The following AGBL1 variants were observed in gnomAD, a reference collection of about 807,000 sequenced individuals.
AGBL1 encodes AGBL carboxypeptidase 1.
Under a neutral mutation model 118.9 loss-of-function variants are expected in AGBL1, and 130 were observed. The ratio of observed to expected loss-of-function variants is 1.09; its 90% CI spans 0.95 to 1.26. The LOEUF (loss-of-function observed/expected upper bound fraction) is 1.26, where lower values mean the gene tolerates loss of function less well. Among genes scored for constraint, AGBL1 ranks in the 50% most tolerant of loss-of-function variants. AGBL1 has a pLI of 0.00. For missense variants in AGBL1, 1,584 were observed against 1,298.1 expected (o/e 1.22, Z -3.38); for synonymous variants, 555 against 478.9 (o/e 1.16, Z -2.08).
At chr15:86,303,553 A>T (rs2079789006) in intron 17 of AGBL1, among the ~76,000 whole-genome samples, 1 of 152,184 alleles carries the variant, frequency 6.6e-6, no homozygotes, top group East Asian at 1.9e-4. Flanking sequence ...GGAAATATAC[A>T]TTTTCAGAGG....
At chr15:86,115,249 G>A (rs903741940) in intron 1 of AGBL1, among the ~76,000 whole-genome samples, 2 of 152,136 alleles carry the variant, frequency 1.3e-5, no homozygotes, top group Non-Finnish European at 2.9e-5. Flanking sequence ...AGTCACAGTG[G>A]TGGATTGTGA....
At chr15:86,843,698 G>T (rs565554181) in intron 22 of AGBL1, among the ~76,000 whole-genome samples, 1 of 152,278 alleles carries the variant, frequency 6.6e-6, no homozygotes, top group African/African-American at 2.4e-5. Context: ...TGACCTTCAA[G>T]AATCATATAC....
chr15:86,701,456 G>T (rs550376209), intron 22 of AGBL1, among the ~76,000 whole-genome samples: 1 of 152,200 alleles, frequency 6.6e-6, no homozygotes, highest in South Asian at 2.1e-4. Flanking sequence ...GAATTGTGCT[G>T]AGTGTGCACA....
intron 23 of AGBL1, among the ~76,000 whole-genome samples, chr15:86,953,834 G>C (rs2080903828): frequency 1.3e-5 from 2 of 151,912 alleles, no homozygotes; most frequent in Non-Finnish European, 2.9e-5. Flanking sequence ...GAGTCTTTAG[G>C]GTTTTCTGGG....
At chr15:86,681,063 G>A (rs1368661094) in intron 22 of AGBL1, among the ~76,000 whole-genome samples, 1 of 151,888 alleles carries the variant, frequency 6.6e-6, no homozygotes, top group Non-Finnish European at 1.5e-5. Flanking sequence ...AATTATAAAG[G>A]ATCAGTGATG....
At chr15:86,299,276 G>A (rs964306859) in intron 17 of AGBL1, among the ~76,000 whole-genome samples, 3 of 152,094 alleles carry the variant, frequency 2.0e-5, no homozygotes, top group Admixed American at 2.0e-4. Context: ...AAGTTCTCTG[G>A]GAGATTGTCA....
chr15:86,364,953 TCA>T (rs200208327), intron 17 of AGBL1, among the ~76,000 whole-genome samples: 3,570 of 57,064 alleles, frequency 0.063, 256 homozygotes, highest in African/African-American at 0.14. Context: ...GATTTATATG[TCA>T]CACATATATA....
At chr15:86,196,325 C>A (rs906430555) in intron 5 of AGBL1, among the ~76,000 whole-genome samples, 2 of 152,098 alleles carry the variant, frequency 1.3e-5, no homozygotes, top group Non-Finnish European at 2.9e-5. Flanking sequence ...CTGCCATACT[C>A]AGTGTTGATT....
At chr15:86,132,197 T>C (rs2076829315) in intron 1 of AGBL1, among the ~76,000 whole-genome samples, 1 of 152,162 alleles carries the variant, frequency 6.6e-6, no homozygotes, top group Admixed American at 6.5e-5. Context: ...AATTCTGCTT[T>C]AGACTAGCTT....
At chr15:86,994,934 C>CTAT (rs1212092614) in intron 24 of AGBL1, among the ~76,000 whole-genome samples, 1 of 152,088 alleles carries the variant, frequency 6.6e-6, no homozygotes, top group Non-Finnish European at 1.5e-5. Context: ...CTGTAATGAA[C>CTAT]TATTTCTTTA....
At chr15:87,009,042 C>T (rs1484885329) in intron 24 of AGBL1, among the ~76,000 whole-genome samples, 1 of 152,090 alleles carries the variant, frequency 6.6e-6, no homozygotes, top group Non-Finnish European at 1.5e-5. Context: ...TTCAAGCTGG[C>T]TATAGAAATT....
intron 20 of AGBL1, among the ~76,000 whole-genome samples, chr15:86,549,518 A>T (rs1273058884): frequency 6.6e-6 from 1 of 152,062 alleles, no homozygotes; most frequent in Non-Finnish European, 1.5e-5. Flanking sequence ...GTAGTTAAAA[A>T]TTTAAAAACA....
chr15:86,331,155 C>A (rs1273631044), intron 17 of AGBL1, among the ~76,000 whole-genome samples: 2 of 142,170 alleles, frequency 1.4e-5, no homozygotes, highest in African/African-American at 5.3e-5. Context: ...ACCCAGGAGG[C>A]AGAGGTTGCA....
chr15:86,261,388 G>A (rs1234491381), intron 9 of AGBL1, among the ~76,000 whole-genome samples: 1 of 152,124 alleles, frequency 6.6e-6, no homozygotes, highest in East Asian at 1.9e-4. Flanking sequence ...AGTTGGTCAT[G>A]GTGTGTATAC....
intron 22 of AGBL1, among the ~76,000 whole-genome samples, chr15:86,771,887 G>T (rs77664803): frequency 0.065 from 9,851 of 152,054 alleles, 382 homozygotes; most frequent in South Asian, 0.13. Flanking sequence ...GAAGTTGCCA[G>T]TAGGCAGGCA....
chr15:86,401,932 C>T (rs1398869234), intron 18 of AGBL1, among the ~76,000 whole-genome samples: 1 of 151,840 alleles, frequency 6.6e-6, no homozygotes, highest in Non-Finnish European at 1.5e-5. Flanking sequence ...GTTATGTGGC[C>T]TCTTTTTTTG....
intron 17 of AGBL1, among the ~76,000 whole-genome samples, chr15:86,396,710 A>G (rs2081370398): frequency 6.6e-6 from 1 of 152,052 alleles, no homozygotes; most frequent in African/African-American, 2.4e-5. Flanking sequence ...CAGGCAATAT[A>G]GTGAGTGCTT....
At chr15:86,129,092 T>C (rs1205529914) in intron 1 of AGBL1, among the ~76,000 whole-genome samples, 1 of 152,188 alleles carries the variant, frequency 6.6e-6, no homozygotes, top group Non-Finnish European at 1.5e-5. Context: ...CAGAACCAAA[T>C]ACTGTAGTGG....
At chr15:86,968,264 A>G (rs1441363562) in intron 23 of AGBL1, among the ~76,000 whole-genome samples, 2 of 151,844 alleles carry the variant, frequency 1.3e-5, no homozygotes, top group South Asian at 2.1e-4. Flanking sequence ...CTAGGGGCCA[A>G]TAGTCTCTGA....
Sources: allele counts gnomAD v4.1 joint callset (sites outside exome capture counted in the v4.1 genomes callset), GRCh38; gene constraint gnomAD v4.1.1; transcripts MANE v1.5; gene names NCBI Gene and HGNC (gene_info 2026-07-23, HGNC 2026-07-21).